The following SASH1 variants were observed in gnomAD, a reference collection of about 807,000 sequenced individuals.
The protein encoded by SASH1 is SAM and SH3 domain containing 1.
SASH1 carries 44 observed loss-of-function variants against 125.2 expected under a neutral mutation model. That is an observed-to-expected ratio of 0.35 (90% CI 0.28 to 0.45). SASH1 has a LOEUF of 0.45. Among genes scored for constraint, SASH1 ranks in the 20% least tolerant of loss-of-function variants. The probability of loss-of-function intolerance (pLI) is 1.00; values close to 1 mark genes in which losing one functional copy is unlikely to be tolerated. For synonymous variants in SASH1, 639 were observed against 649.1 expected (o/e 0.98, Z 0.24); for missense variants, 1,426 against 1,614.5 (o/e 0.88, Z 2.00).
At chr6:148,485,507 G>A (rs1778800700) in intron 7 of SASH1, among the ~76,000 whole-genome samples, 1 of 152,178 alleles carries the variant, frequency 6.6e-6, no homozygotes, top group Non-Finnish European at 1.5e-5. Flanking sequence ...AGTGTGCTGA[G>A]AGTTTTGCTG....
At chr6:148,247,979 C>T in the SASH1 span, among the ~76,000 whole-genome samples, 2 of 152,144 alleles carry the variant, frequency 1.3e-5, no homozygotes, top group African/African-American at 2.4e-5. Flanking sequence ...CTTTTTTAGA[C>T]ATTGGCATAT....
intron 2 of SASH1, among the ~76,000 whole-genome samples, chr6:148,433,361 G>T (rs1361390415): frequency 6.6e-6 from 1 of 151,056 alleles, no homozygotes; most frequent in Non-Finnish European, 1.5e-5. Flanking sequence ...TACTAGCCAT[G>T]ACCTAACTAG....
rs911968511 is a variant in SASH1 at position 148,502,354 on chromosome 6, GA to G, written c.730-11960del. On this transcript the variant is annotated intron_variant, in intron 8 of 19. Coordinates refer to ENST00000367467, the MANE Select transcript of SASH1 (RefSeq NM_015278.5). The stretch of plus-strand genomic sequence containing the variant: ...CTCCCCTGACTCCTTTGTGATAAAA[GA>G]AAAAAAAAACTTACCCACAGTGTGT... Among the ~76,000 whole-genome samples the G allele has an allele frequency of 1.6e-4, 24 of 146,952 alleles. No homozygotes were observed. The East Asian group carries it at 1.8e-3, about 11-fold the overall frequency.
intron 1 of SASH1, among the ~76,000 whole-genome samples, chr6:148,288,286 G>A (rs968030184): frequency 2.3e-4 from 35 of 152,050 alleles, no homozygotes; most frequent in Non-Finnish European, 4.0e-4. Context: ...TCGCCTGTGC[G>A]ATGAGCCCTC....
At chr6:148,548,262 C>A (rs1562507995) in intron 19 of SASH1, 33 bp from the exon 20 acceptor site, 1 of 1,576,250 alleles carries the variant, frequency 6.3e-7, no homozygotes, top group African/African-American at 1.4e-5. Flanking sequence ...ACACATGGAG[C>A]GTTTCTATCA....
rs559777763 is a variant in SASH1 at position 148,529,144 on chromosome 6, G to T, written c.1428+1548G>T. Among the ~76,000 whole-genome samples the T allele has an allele frequency of 6.6e-6, 1 of 152,142 alleles. No individual in the cohort carries two copies. Among genetic ancestry groups the T allele is most frequent in the Non-Finnish European group, 1.5e-5 (1 of 68,024 alleles). Reference sequence around the variant, plus strand: ...CAGATGAAGCTTGGCCTGCTCACCCGCCACTCACCTCCTGCTGTACGGCCC... The same window carrying T: ...CAGATGAAGCTTGGCCTGCTCACCCTCCACTCACCTCCTGCTGTACGGCCC... On this transcript the variant is annotated intron_variant, in intron 12 of 19. Transcript: ENST00000367467. This position sits in a 1 kb window ranked among gnomAD's most constrained non-coding sequence, Gnocchi z 4.2.
In SASH1 at chr6:148,343,820, T is replaced by C. The variant is rs184415497; in HGVS notation, c.156+597T>C. Among the ~76,000 whole-genome samples the C allele has an allele frequency of 2.9e-3, 436 of 152,326 alleles. 2 individuals are homozygous for C. Among genetic ancestry groups the C allele is most frequent in the African/African-American group, 9.8e-3 (409 of 41,570 alleles). On this transcript the variant is annotated intron_variant, in intron 1 of 19. Transcript: ENST00000367467. ...AAGCGCCCCTGGATTTGGCATAGTC[T>C]CTGGGAAGCAGTTCTTCTGTATGGA... is the stretch of plus-strand genomic sequence containing the variant.
chr6:148,318,768 G>T (rs1158443253), intron 1 of SASH1, among the ~76,000 whole-genome samples: 1 of 151,904 alleles, frequency 6.6e-6, no homozygotes, highest in Non-Finnish European at 1.5e-5. Flanking sequence ...GACCAGGATG[G>T]TCTCGATCTC....
At chr6:148,456,724 T>C (rs1777369505) in intron 4 of SASH1, among the ~76,000 whole-genome samples, 1 of 151,582 alleles carries the variant, frequency 6.6e-6, no homozygotes, top group African/African-American at 2.4e-5. Context: ...TAGCTGGACA[T>C]GGTGGTGCGC....
intron 2 of SASH1, among the ~76,000 whole-genome samples, chr6:148,433,637 C>T (rs1776157809): frequency 6.6e-6 from 1 of 151,922 alleles, no homozygotes; most frequent in Admixed American, 6.6e-5. Flanking sequence ...AACTACTGAT[C>T]TCGTGATCCG....
chr6:148,358,777 C>T (rs1412346480), intron 1 of SASH1, among the ~76,000 whole-genome samples: 5 of 141,372 alleles, frequency 3.5e-5, no homozygotes, highest in South Asian at 4.7e-4. Context: ...CCTTCATCAC[C>T]GAGGCTGGAG....
intron 7 of SASH1, among the ~76,000 whole-genome samples, chr6:148,486,468 C>G (rs1295460285): frequency 6.6e-6 from 1 of 152,100 alleles, no homozygotes; most frequent in Non-Finnish European, 1.5e-5. Context: ...AAACTAGAAA[C>G]CTTGTTTCTG....
chr6:148,326,337 T>TGC lies in SASH1; in HGVS notation n.74+53960_74+53961insGC, dbSNP rs1393865562. Among the ~76,000 whole-genome samples, 14 of 77,318 alleles carry TGC rather than the reference T, an allele frequency of 1.8e-4. 1 individual carries two copies. Among genetic ancestry groups the TGC allele is most frequent in the African/African-American group, 5.8e-4 (11 of 18,960 alleles). 50.7% of individuals were successfully genotyped at this position (77,318 alleles called of 152,430 possible). A position where few individuals can be genotyped will look rare whatever the true frequency, so the allele number is the denominator to read the frequency against. ...GCCACCGCATGCATATATATATATA[T>TGC]ATATATATATATATATATATGCATA... is the stretch of plus-strand genomic sequence containing the variant. On this transcript the variant is annotated intron_variant and non_coding_transcript_variant, in intron 1 of 3. Transcript: ENST00000367469.
intron 2 of SASH1, among the ~76,000 whole-genome samples, chr6:148,413,651 A>G (rs991334106): frequency 6.6e-6 from 1 of 152,180 alleles, no homozygotes; most frequent in Non-Finnish European, 1.5e-5. Context: ...TGAAATAATC[A>G]ATGTCAGGTA....
chr6:148,282,231 T>G (rs953789546), intron 1 of SASH1, among the ~76,000 whole-genome samples: 7 of 152,266 alleles, frequency 4.6e-5, no homozygotes, highest in Non-Finnish European at 7.4e-5. Flanking sequence ...GCAGGACTTC[T>G]CCAATGGGCA....
the SASH1 span, among the ~76,000 whole-genome samples, chr6:148,250,251 A>G: frequency 6.6e-6 from 1 of 152,150 alleles, no homozygotes; most frequent in Non-Finnish European, 1.5e-5. Context: ...TGTTTAGAAA[A>G]CACGGAAGCA....
At chr6:148,316,244 T>G (rs6570843) in intron 1 of SASH1, among the ~76,000 whole-genome samples, 93,516 of 151,472 alleles carry the variant, frequency 0.62, 29,374 homozygotes, top group African/African-American at 0.74. Flanking sequence ...AGCTTCCACG[T>G]TCTTCCCTCT....
chr6:148,345,182 G>A (rs1475190244), intron 1 of SASH1, among the ~76,000 whole-genome samples: 1 of 152,168 alleles, frequency 6.6e-6, no homozygotes, highest in African/African-American at 2.4e-5. Flanking sequence ...GGGCGGGGAG[G>A]ATTGGGGGCC....
At chr6:148,200,406 C>T in the SASH1 span, among the ~76,000 whole-genome samples, 1 of 152,310 alleles carries the variant, frequency 6.6e-6, no homozygotes, top group South Asian at 2.1e-4. Context: ...GCTGTGATCT[C>T]TGCAGCTCAC....
Sources: allele counts gnomAD v4.1 joint callset (sites outside exome capture counted in the v4.1 genomes callset), GRCh38; gene constraint gnomAD v4.1.1; non-coding constraint Gnocchi (gnomAD v3.1); transcripts MANE v1.5; gene names NCBI Gene and HGNC (gene_info 2026-07-23, HGNC 2026-07-21).